SH2B1: variants seen among roughly 807,000 people sequenced by gnomAD.
SH2B1 encodes SH2B adaptor protein 1.
SH2B1 carries 15 observed loss-of-function variants against 62.6 expected under a neutral mutation model. That is an observed-to-expected ratio of 0.24 (90% CI 0.16 to 0.37). The LOEUF is 0.37. Ranked by LOEUF, SH2B1 falls within the 10% of genes least tolerant of loss-of-function variation. SH2B1 has a pLI of 1.00. For missense variants in SH2B1, 925 were observed against 1,015.6 expected (o/e 0.91, Z 1.21); for synonymous variants, 443 against 438.0 (o/e 1.01, Z -0.14).
In SH2B1 at chr16:28,864,683, C is replaced by T. The variant is rs914026479; in HGVS notation, c.-1412C>T. 2 of 984,726 alleles carry T rather than the reference C, an allele frequency of 2.0e-6. No homozygotes were observed. The highest frequency in any genetic ancestry group is 3.5e-5 in the African/African-American group (2 of 57,160). 61.0% of individuals were successfully genotyped at this position (984,726 alleles called of 1,614,324 possible). ...CTGGGGCTGTCACCTTCCAGTATTG[C>T]GTGGCGGGAGGAGCGCTAACAAGAG... On this transcript the variant is annotated 5_prime_UTR_variant, in exon 1 of 8. Coordinates refer to ENST00000684370, the MANE Select transcript of SH2B1 (RefSeq NM_001387430.1).
chr16:28,864,585 C>T lies in SH2B1; in HGVS notation c.-1510C>T, dbSNP rs1381199179. 6.1e-6 allele frequency: 6 copies of T among 985,574 alleles called. No individual in the cohort carries two copies. Among genetic ancestry groups the T allele is most frequent in the Non-Finnish European group, 7.2e-6 (6 of 830,056 alleles). The allele number at this position is 985,574 out of a possible 1,614,324, so 61.1% of individuals were successfully genotyped here. ...GAGGGTTCACCGACTTACAGCCTGG[C>T]TGTAGGTTTGAACAGGAGTCTGAGG... On this transcript the variant is annotated 5_prime_UTR_variant, in exon 1 of 8. Transcript: ENST00000684370.
chr16:28,856,992 G>T (rs954319788), intron 1 of SH2B1, among the ~76,000 whole-genome samples: 2 of 151,998 alleles, frequency 1.3e-5, no homozygotes, highest in African/African-American at 4.8e-5. Context: ...CTAAGTAAAA[G>T]GTACTTGAGG....
chr16:28,864,667 T>G lies in SH2B1; in HGVS notation c.-1428T>G. ...TGCTCTGGCCCCAGTCCTGGGGCTG[T>G]CACCTTCCAGTATTGCGTGGCGGGA... On this transcript the variant is annotated 5_prime_UTR_variant, in exon 1 of 8. Transcript: ENST00000684370. 1 of 985,104 alleles carries G rather than the reference T, an allele frequency of 1.0e-6. No homozygotes were observed. The highest frequency in any genetic ancestry group is 4.7e-5 in the South Asian group (1 of 21,278). 61.0% of individuals were successfully genotyped at this position (985,104 alleles called of 1,614,324 possible).
Position 28,863,936 on chromosome 16 carries a change from C to T in SH2B1, c.-2159C>T. 1.4e-6 allele frequency: 2 copies of T among 1,474,928 alleles called. No individual in the cohort carries two copies. Among genetic ancestry groups the T allele is most frequent in the Non-Finnish European group, 1.8e-6 (2 of 1,119,650 alleles). The allele number at this position is 1,474,928 out of a possible 1,614,324, so 91.4% of individuals were successfully genotyped here. On this transcript the variant is annotated 5_prime_UTR_variant, in exon 1 of 8. Coordinates refer to ENST00000684370, the MANE Select transcript of SH2B1 (RefSeq NM_001387430.1). ...CGCCGCCGGAGCTAACCTCGGGGAC[C>T]GAGATGCAGGTGGGACCGGAACCGG...
intron 1 of SH2B1, among the ~76,000 whole-genome samples, chr16:28,852,806 TTAC>T (rs1962189730): frequency 1.7e-5 from 1 of 57,600 alleles, no homozygotes; most frequent in Admixed American, 3.2e-4. Context: ...ACATATATAT[TTAC>T]ATATATTTAC....
intron 1 of SH2B1, among the ~76,000 whole-genome samples, chr16:28,855,884 TGACCTCGTGATCCGCC>T (rs1221712080): frequency 1.2e-4 from 18 of 144,044 alleles, no homozygotes; most frequent in Admixed American, 9.2e-4. Context: ...CTCGATCTCC[TGACCTCGTGATCCGCC>T]GACCTCGTGA....
chr16:28,865,777 G>A lies in SH2B1; in HGVS notation c.-318G>A. 1 of 1,142,332 alleles carries A rather than the reference G, an allele frequency of 8.8e-7. No homozygotes were observed. The highest frequency in any genetic ancestry group is 1.1e-6 in the Non-Finnish European group (1 of 929,692). 70.8% of individuals were successfully genotyped at this position (1,142,332 alleles called of 1,614,324 possible). On this transcript the variant is annotated 5_prime_UTR_variant, in exon 1 of 8. Coordinates refer to ENST00000684370, the MANE Select transcript of SH2B1 (RefSeq NM_001387430.1). ...CCTCTACTGCTGGATCCAAAGCTAA[G>A]GAAAGTGGGGGCAAATGTGGCAGGC... is the stretch of plus-strand genomic sequence containing the variant.
At chr16:28,849,388 T>C (rs1037147677) in intron 1 of SH2B1, among the ~76,000 whole-genome samples, 3 of 152,210 alleles carry the variant, frequency 2.0e-5, no homozygotes, top group Non-Finnish European at 4.4e-5. Context: ...TGAGCCACTG[T>C]GCCCAGCCTA....
Position 28,852,850 on chromosome 16 carries a change from AT to A in SH2B1, c.-301+6028del, listed in dbSNP as rs1221642962. Among the ~76,000 whole-genome samples the A allele has an allele frequency of 7.1e-5, 3 of 42,410 alleles. 1 individual carries two copies. The highest frequency in any genetic ancestry group is 4.2e-4 in the Admixed American group (1 of 2,386). The allele number at this position is 42,410 out of a possible 152,430, so 27.8% of individuals were successfully genotyped here. The stretch of plus-strand genomic sequence containing the variant: ...TATTTATATATATATACATATATAT[AT>A]TTTTATATATATTTACATATATATT... On this transcript the variant is annotated intron_variant, in intron 1 of 10. Coordinates refer to the SH2B1 transcript ENST00000322610.
Position 28,873,083 on chromosome 16 carries a change from C to T in SH2B1, c.1898-364C>T. ...ACACTCGGTCTGATCCCCTTCCCTC[C>T]TCCCTCAATGTCTCATGTCCCTGTC... is the stretch of plus-strand genomic sequence containing the variant. On this transcript the variant is annotated intron_variant, in intron 7 of 7. Transcript: ENST00000684370. The surrounding 1 kb of genome is among the most constrained non-coding windows in gnomAD (Gnocchi z 4.2). 1.1e-6 allele frequency: 1 copy of T among 894,836 alleles called. No individual in the cohort carries two copies. Among genetic ancestry groups the T allele is most frequent in the Non-Finnish European group, 1.7e-6 (1 of 597,688 alleles). The allele number at this position is 894,836 out of a possible 1,614,324, so 55.4% of individuals were successfully genotyped here. A position where few individuals can be genotyped will look rare whatever the true frequency, so the allele number is the denominator to read the frequency against.
rs1276701438 is a variant in SH2B1, at chr16:28,852,289, C to CAT, written c.-301+5471_-301+5472dup. Among the ~76,000 whole-genome samples, 57 of 66,522 alleles carry CAT rather than the reference C, an allele frequency of 8.6e-4. 12 individuals are homozygous for CAT. Among genetic ancestry groups the CAT allele is most frequent in the Non-Finnish European group, 9.5e-4 (37 of 39,018 alleles). The allele number at this position is 66,522 out of a possible 152,430, so 43.6% of individuals were successfully genotyped here. A position where few individuals can be genotyped will look rare whatever the true frequency, so the allele number is the denominator to read the frequency against. ...ATATATATTTACATATATATATTTA[C>CAT]ATATATATATTTACATATATATATT... On this transcript the variant is annotated intron_variant, in intron 1 of 10. Coordinates refer to the SH2B1 transcript ENST00000322610.
intron 1 of SH2B1, among the ~76,000 whole-genome samples, chr16:28,852,750 A>ATATATATT (rs1962181737): frequency 2.2e-5 from 1 of 45,856 alleles, no homozygotes; most frequent in African/African-American, 8.9e-5. Context: ...ATATATTTAC[A>ATATATATT]TATATATGTA....
chr16:28,866,263 G>C lies in SH2B1; in HGVS notation c.169G>C (p.Gly57Arg), dbSNP rs1344830321. 1.2e-6 allele frequency: 2 copies of C among 1,610,610 alleles called. No homozygotes were observed. The highest frequency in any genetic ancestry group is 3.3e-5 in the Admixed American group (2 of 59,924). Residue 57 changes from glycine (G) to arginine (R), a missense_variant, in exon 1 of 8, where the codon GGG (glycine) becomes CGG (arginine). Transcript: ENST00000684370. This position sits in a 1 kb window ranked among gnomAD's most constrained non-coding sequence, Gnocchi z 6.3. ...LYLASHPQYA[G>R]PGAEAAFSRR... The stretch of plus-strand genomic sequence containing the variant: ...CCTGGCCTCCCACCCCCAATATGCG[G>C]GGCCCGGGGCCGAGGCTGCCTTCTC...
chr16:28,860,205 A>C (rs1282470603), upstream of SH2B1, among the ~76,000 whole-genome samples: 1 of 151,780 alleles, frequency 6.6e-6, no homozygotes, highest in African/African-American at 2.4e-5. Context: ...TTTTCAGCCA[A>C]ACTGTGTAGA....
At chr16:28,859,881 G>A (rs116693497), upstream of SH2B1, among the ~76,000 whole-genome samples, 18 of 27,802 alleles carry the variant, frequency 6.5e-4, no homozygotes, top group South Asian at 0.011. Flanking sequence ...CCCCCCCCCC[G>A]GCTGTTTTCA....
At chr16:28,848,296 G>A (rs952939841) in intron 1 of SH2B1, among the ~76,000 whole-genome samples, 1 of 152,006 alleles carries the variant, frequency 6.6e-6, no homozygotes, top group African/African-American at 2.4e-5. Context: ...AAATTAGCTG[G>A]GCGTGGCAGT....
At chr16:28,852,580 T>G (rs192613545) in intron 1 of SH2B1, among the ~76,000 whole-genome samples, 314 of 31,300 alleles carry the variant, frequency 0.01, 130 homozygotes, top group East Asian at 0.074. Context: ...ACATATATAT[T>G]TATATATATA....
chr16:28,868,703 T>G (rs1486649047), intron 2 of SH2B1, among the ~76,000 whole-genome samples: 2 of 151,954 alleles, frequency 1.3e-5, no homozygotes. Context: ...TGATCCACCC[T>G]CCTTGGCCTC....
rs371764727 is a variant in SH2B1, at chr16:28,852,758, G to GTA, written c.-301+5941_-301+5942dup. The stretch of plus-strand genomic sequence containing the variant: ...TACATATATATATTTACATATATAT[G>GTA]TATATATATATTTATATATATATTT... On this transcript the variant is annotated intron_variant, in intron 1 of 10. Coordinates refer to the SH2B1 transcript ENST00000322610. Among the ~76,000 whole-genome samples the GTA allele has an allele frequency of 5.5e-4, 21 of 38,108 alleles. 1 individual carries two copies. The highest frequency in any genetic ancestry group is 3.4e-3 in the East Asian group (7 of 2,084). The allele number at this position is 38,108 out of a possible 152,430, so 25.0% of individuals were successfully genotyped here.
Sources: allele counts gnomAD v4.1 joint callset (sites outside exome capture counted in the v4.1 genomes callset), GRCh38; gene constraint gnomAD v4.1.1; non-coding constraint Gnocchi (gnomAD v3.1); transcripts MANE v1.5; gene names NCBI Gene and HGNC (gene_info 2026-07-23, HGNC 2026-07-21).